Variants in VAV3 observed in about 807,000 individuals in gnomAD.
The protein encoded by VAV3 is vav guanine nucleotide exchange factor 3, also known as guanine nucleotide exchange factor VAV3.
A neutral mutation model predicts 131.2 loss-of-function variants in VAV3; 94 were observed. The ratio of observed to expected loss-of-function variants is 0.72; its 90% CI spans 0.61 to 0.85. The LOEUF (loss-of-function observed/expected upper bound fraction) is 0.85, where lower values mean the gene tolerates loss of function less well. Among genes scored for constraint, VAV3 ranks in the 40% least tolerant of loss-of-function variants. The probability of loss-of-function intolerance (pLI) is 0.00; values close to 1 mark genes in which losing one functional copy is unlikely to be tolerated. For missense variants in VAV3, 939 were observed against 1,002.7 expected, an observed-to-expected ratio of 0.94 and a Z score of 0.86; for synonymous variants, 349 against 342.0, an observed-to-expected ratio of 1.02 and a Z score of -0.22.
intron 2 of VAV3, among the ~76,000 whole-genome samples, chr1:107,831,350 G>A (rs892160558): frequency 2.0e-5 from 3 of 152,030 alleles, no homozygotes; most frequent in African/African-American, 7.2e-5. Context: ...AACTGTTTTC[G>A]TGTCATTTCA....
chr1:107,738,538 C>T (rs1662819518), intron 15 of VAV3, among the ~76,000 whole-genome samples: 3 of 152,186 alleles, frequency 2.0e-5, no homozygotes, highest in Admixed American at 2.0e-4. Context: ...ATCTCCCCAA[C>T]TAGCCTGCTA....
intron 2 of VAV3, among the ~76,000 whole-genome samples, chr1:107,831,619 G>A (rs1250652594): frequency 6.6e-6 from 1 of 151,956 alleles, no homozygotes; most frequent in African/African-American, 2.4e-5. Flanking sequence ...TGTTCATGTT[G>A]CTCATTTGAG....
intron 4 of VAV3, among the ~76,000 whole-genome samples, chr1:107,775,606 A>G (rs1665313613): frequency 8.0e-6 from 1 of 124,618 alleles, no homozygotes; most frequent in Non-Finnish European, 1.7e-5. Context: ...AAAAAAAAAG[A>G]ATAGCATCAC....
chr1:107,790,683 T>C (rs1478613672), intron 2 of VAV3, among the ~76,000 whole-genome samples: 1 of 136,584 alleles, frequency 7.3e-6, no homozygotes, highest in East Asian at 2.1e-4. Flanking sequence ...GTCTTCCTTT[T>C]TTTTTTTTTT....
chr1:107,753,741 G>A (rs952061565), intron 12 of VAV3, among the ~76,000 whole-genome samples: 2 of 151,466 alleles, frequency 1.3e-5, no homozygotes, highest in South Asian at 2.1e-4. Context: ...TGTATTTTTA[G>A]TAGACACGGG....
chr1:107,851,498 A>G (rs912427765), intron 2 of VAV3, among the ~76,000 whole-genome samples: 1 of 152,032 alleles, frequency 6.6e-6, no homozygotes. Context: ...TAAGCTGGAA[A>G]GCCTTTATTC....
chr1:107,716,768 G>A (rs1407786225), intron 15 of VAV3, among the ~76,000 whole-genome samples: 1 of 152,158 alleles, frequency 6.6e-6, no homozygotes, highest in Non-Finnish European at 1.5e-5. Flanking sequence ...GAGTTAGGGA[G>A]GATTCCCTCT....
chr1:107,954,198 A>G (rs1335691467), intron 1 of VAV3, among the ~76,000 whole-genome samples: 1 of 152,214 alleles, frequency 6.6e-6, no homozygotes, highest in East Asian at 1.9e-4. Flanking sequence ...CTGTGAATTT[A>G]CAAAAAGAAT....
chr1:107,737,564 C>G (rs1417882949), intron 15 of VAV3, among the ~76,000 whole-genome samples: 1 of 152,182 alleles, frequency 6.6e-6, no homozygotes, highest in Admixed American at 6.5e-5. Flanking sequence ...AGACACTTCT[C>G]AAAAGAAGAC....
chr1:107,620,961 A>C (rs1042443730), intron 20 of VAV3, among the ~76,000 whole-genome samples: 2 of 152,164 alleles, frequency 1.3e-5, no homozygotes, highest in East Asian at 3.8e-4. Context: ...AGATGAACAT[A>C]TAATTTTCCA....
At chr1:107,901,342 T>A (rs1671848901) in intron 1 of VAV3, among the ~76,000 whole-genome samples, 1 of 152,170 alleles carries the variant, frequency 6.6e-6, no homozygotes, top group Admixed American at 6.5e-5. Context: ...TATTTTAAAT[T>A]TTCACCAAAA....
intron 13 of VAV3, among the ~76,000 whole-genome samples, chr1:107,750,608 C>A (rs1185897121): frequency 6.6e-6 from 1 of 152,144 alleles, no homozygotes; most frequent in Non-Finnish European, 1.5e-5. Flanking sequence ...TTCCAGAAAA[C>A]AATCATTGTC....
chr1:107,602,336 T>C (rs1651928286), intron 24 of VAV3, 61 bp downstream of exon 24: 1 of 1,219,640 alleles, frequency 8.2e-7, no homozygotes, highest in Non-Finnish European at 1.1e-6. Context: ...AGAATTAAAA[T>C]GACCTTTCTA....
chr1:107,804,355 T>C (rs756334999), intron 2 of VAV3, among the ~76,000 whole-genome samples: 24 of 152,174 alleles, frequency 1.6e-4, no homozygotes, highest in Non-Finnish European at 2.5e-4. Flanking sequence ...AGTGACTTCC[T>C]CTGGTAACAT....
chr1:107,646,961 CAT>C (rs1467064766), intron 19 of VAV3, among the ~76,000 whole-genome samples: 4 of 151,774 alleles, frequency 2.6e-5, no homozygotes, highest in East Asian at 1.9e-4. Flanking sequence ...CCAAATGACA[CAT>C]GTGCTTTTTT....
intron 15 of VAV3, among the ~76,000 whole-genome samples, chr1:107,727,809 A>C (rs1189171197): frequency 6.6e-6 from 1 of 152,200 alleles, no homozygotes; most frequent in Non-Finnish European, 1.5e-5. Flanking sequence ...TTATAAAACC[A>C]AGGATTCTCT....
chr1:107,884,820 A>C (rs567512234), intron 1 of VAV3, among the ~76,000 whole-genome samples: 1 of 152,118 alleles, frequency 6.6e-6, no homozygotes, highest in South Asian at 2.1e-4. Context: ...ATTCCAAAGA[A>C]AGCTTGCAAG....
intron 1 of VAV3, among the ~76,000 whole-genome samples, chr1:107,934,370 G>C (rs1396275651): frequency 6.6e-6 from 1 of 152,138 alleles, no homozygotes; most frequent in Non-Finnish European, 1.5e-5. Flanking sequence ...AAAACCCTTA[G>C]AACAGAGCAG....
chr1:107,748,122 T>C (rs1663470520), intron 15 of VAV3, among the ~76,000 whole-genome samples: 1 of 152,152 alleles, frequency 6.6e-6, no homozygotes, highest in South Asian at 2.1e-4. Context: ...TACATTAACA[T>C]GAGCATTTCT....
Sources: gnomAD v4.1 joint callset for allele counts (sites outside exome capture counted in the v4.1 genomes callset) on GRCh38, gnomAD v4.1.1 for gene constraint, MANE v1.5 for transcripts, NCBI Gene and HGNC (gene_info 2026-07-23, HGNC 2026-07-21) for gene names.